Variants in SECISBP2L observed in about 807,000 individuals in gnomAD.
The protein encoded by SECISBP2L is selenocysteine insertion sequence-binding protein 2-like.
In SECISBP2L, 43 loss-of-function variants were observed where a neutral mutation model predicts 114.7. The observed-to-expected ratio is 0.38, with a 90% CI of 0.29 to 0.48. The LOEUF is 0.48. Among genes scored for constraint, SECISBP2L ranks in the 20% least tolerant of loss-of-function variants. SECISBP2L has a pLI of 0.98. For missense variants in SECISBP2L, 1,136 were observed against 1,301.1 expected (o/e 0.87, Z 1.95); for synonymous variants, 451 against 439.7 (o/e 1.03, Z -0.32).
At chr15:48,999,025 T>A (rs187885110) in intron 16 of SECISBP2L, among the ~76,000 whole-genome samples, 7 of 152,350 alleles carry the variant, frequency 4.6e-5, no homozygotes, top group Admixed American at 4.6e-4. Flanking sequence ...CAAGGCAGTG[T>A]GCTATGCTAA....
rs1178613731 is a variant in SECISBP2L at position 48,992,205 on chromosome 15, C to A, written c.*39G>T. On this transcript the variant is annotated 3_prime_UTR_variant, in exon 18 of 18. Coordinates refer to ENST00000559471, the MANE Select transcript of SECISBP2L (RefSeq NM_001193489.2). ...AAGCATAAAAGGTAATGGCTGCAAC[C>A]CTTCCACAGCTGGAGATAGAGAGCC... 3 of 1,549,128 alleles carry A rather than the reference C, an allele frequency of 1.9e-6. No homozygotes were observed. The highest frequency in any genetic ancestry group is 2.0e-5 in the Admixed American group (1 of 50,220).
At chr15:49,020,501 T>C (rs1413478659) in intron 7 of SECISBP2L, among the ~76,000 whole-genome samples, 2 of 152,088 alleles carry the variant, frequency 1.3e-5, no homozygotes, top group Admixed American at 1.3e-4. Flanking sequence ...ATGAGTCACA[T>C]GCCTGGCTTT....
chr15:49,024,150 T>C (rs541601084), intron 7 of SECISBP2L, among the ~76,000 whole-genome samples: 5 of 152,256 alleles, frequency 3.3e-5, no homozygotes, highest in African/African-American at 9.6e-5. Flanking sequence ...CAGCATGGTA[T>C]AGGTGCAAAA....
chr15:49,017,633 A>C lies in SECISBP2L; in HGVS notation c.1171-5T>G. Reference sequence around the variant, plus strand: ...TTCTTGAAACCCATCTTCATCCTGAAATGTTTCACATTTTAAGTAAAAAGA... The same window carrying C: ...TTCTTGAAACCCATCTTCATCCTGACATGTTTCACATTTTAAGTAAAAAGA... On this transcript the variant is annotated splice_polypyrimidine_tract_variant and splice_region_variant and intron_variant, in intron 8 of 17. Transcript: ENST00000559471. The C allele has an allele frequency of 6.2e-7, 1 of 1,600,870 alleles. No homozygotes were observed. Among genetic ancestry groups the C allele is most frequent in the Non-Finnish European group, 8.5e-7 (1 of 1,173,532 alleles).
At chr15:49,001,218 C>T in intron 14 of SECISBP2L, 121 bp from the exon 15 acceptor site, 1 of 657,146 alleles carries the variant, frequency 1.5e-6, no homozygotes, top group Non-Finnish European at 2.5e-6. Flanking sequence ...CATGAAAAGT[C>T]TCTTAAAGAA....
intron 14 of SECISBP2L, 61 bp from the exon 15 acceptor site, chr15:49,001,158 C>T: frequency 9.5e-7 from 1 of 1,057,188 alleles, no homozygotes. Flanking sequence ...AGTTATAAAA[C>T]TGCATTAAGA....
At chr15:48,999,750 T>G in intron 16 of SECISBP2L, 83 bp downstream of exon 16, 1 of 1,451,588 alleles carries the variant, frequency 6.9e-7, no homozygotes, top group Non-Finnish European at 9.4e-7. Flanking sequence ...TGCTTAAACA[T>G]AACACTGGCA....
Position 49,015,258 on chromosome 15 carries a change from C to T in SECISBP2L, c.1561+1302G>A, listed in dbSNP as rs78833400. 7.8e-3 allele frequency among the ~76,000 whole-genome samples: 1,185 copies of T among 152,258 alleles called. 24 individuals carry two copies. Among genetic ancestry groups the T allele is most frequent in the African/African-American group, 0.027 (1,132 of 41,538 alleles). On this transcript the variant is annotated intron_variant, in intron 11 of 17. Coordinates refer to ENST00000559471, the MANE Select transcript of SECISBP2L (RefSeq NM_001193489.2). ...CATACCGCCTCCAGAACACTGCTAA[C>T]TCTCAGTTTTATTCCCTATTTTTAC... is the stretch of plus-strand genomic sequence containing the variant.
At chr15:48,999,760 A>C in intron 16 of SECISBP2L, 73 bp downstream of exon 16, 2 of 1,529,414 alleles carry the variant, frequency 1.3e-6, no homozygotes, top group Middle Eastern at 3.5e-4. Context: ...TAACACTGGC[A>C]TATGTCAATC....
chr15:49,015,779 T>TA (rs1159428561), intron 11 of SECISBP2L, among the ~76,000 whole-genome samples: 1 of 152,226 alleles, frequency 6.6e-6, no homozygotes, highest in African/African-American at 2.4e-5. Flanking sequence ...TTAAACTGGA[T>TA]AATTTAAGAG....
intron 3 of SECISBP2L, among the ~76,000 whole-genome samples, chr15:49,034,192 A>G (rs1299046208): frequency 1.3e-5 from 2 of 152,160 alleles, no homozygotes; most frequent in Non-Finnish European, 2.9e-5. Context: ...TTCACTGAAG[A>G]AGTTGGGCTA....
At position 49,032,946 on chromosome 15, in the gene SECISBP2L, G is replaced by C. The variant is rs1361594732; in HGVS notation, c.664+19C>G. The C allele has an allele frequency of 6.2e-7, 1 of 1,611,818 alleles. No homozygotes were observed. The highest frequency in any genetic ancestry group is 8.5e-7 in the Non-Finnish European group (1 of 1,179,258). On this transcript the variant is annotated intron_variant, in intron 4 of 17. Transcript: ENST00000559471. ...ACAGATAAAAATCAGTGACGCACAT[G>C]TAAGAACCCTTGCCTTACCAGTTTG...
chr15:49,032,442 C>T (rs548264343), intron 4 of SECISBP2L, among the ~76,000 whole-genome samples: 1 of 152,224 alleles, frequency 6.6e-6, no homozygotes, highest in South Asian at 2.1e-4. Context: ...CTGTACAGTC[C>T]TCTAAAAATT....
Position 49,046,346 on chromosome 15 carries a change from C to T in SECISBP2L, c.-47G>A. The T allele has an allele frequency of 6.8e-7, 1 of 1,468,056 alleles. No individual in the cohort carries two copies. The highest frequency in any genetic ancestry group is 1.5e-5 in the African/African-American group (1 of 68,408). The allele number at this position is 1,468,056 out of a possible 1,614,324, so 90.9% of individuals were successfully genotyped here. On this transcript the variant is annotated 5_prime_UTR_variant, in exon 1 of 18. Coordinates refer to ENST00000559471, the MANE Select transcript of SECISBP2L (RefSeq NM_001193489.2). ...CCCGCGCTAGTCGGTGTAAACAGCG[C>T]CTCGGGCCGCTTTCTCCATGGCCCC...
intron 17 of SECISBP2L, among the ~76,000 whole-genome samples, chr15:48,994,304 G>C (rs1004386641): frequency 1.3e-5 from 2 of 152,034 alleles, no homozygotes; most frequent in Non-Finnish European, 2.9e-5. Context: ...TACTAAATCT[G>C]TTTACTACTC....
chr15:49,033,135 C>A lies in SECISBP2L; in HGVS notation c.529-35G>T, dbSNP rs1170765253. 10 of 1,592,508 alleles carry A rather than the reference C, an allele frequency of 6.3e-6. No individual in the cohort carries two copies. In the South Asian group the frequency reaches 1.0e-4, roughly 16 times the overall value. ...AAAAAAAACAAAAAAACAAAAAACA[C>A]ACAACTATTCAATGTACTGAACATT... is the stretch of plus-strand genomic sequence containing the variant. On this transcript the variant is annotated intron_variant, in intron 3 of 17. Transcript: ENST00000559471.
rs1566849055 is a variant in SECISBP2L at position 48,990,724 on chromosome 15, T to A, written c.*1520A>T. The stretch of plus-strand genomic sequence containing the variant: ...GCCCAATTCTTCTCTCCTGCCTCTG[T>A]GAGGCAAAGCCCTGCCCCAGATAAT... On this transcript the variant is annotated 3_prime_UTR_variant, in exon 18 of 18. Coordinates refer to ENST00000559471, the MANE Select transcript of SECISBP2L (RefSeq NM_001193489.2). The A allele has an allele frequency of 6.6e-6, 1 of 152,548 alleles. No individual in the cohort carries two copies. The highest frequency in any genetic ancestry group is 1.5e-5 in the Non-Finnish European group (1 of 68,014). 9.4% of individuals were successfully genotyped at this position (152,548 alleles called of 1,614,324 possible). A position where few individuals can be genotyped will look rare whatever the true frequency, so the allele number is the denominator to read the frequency against.
chr15:49,037,985 A>G (rs1461264615), intron 1 of SECISBP2L, among the ~76,000 whole-genome samples: 1 of 152,202 alleles, frequency 6.6e-6, no homozygotes, highest in Non-Finnish European at 1.5e-5. Context: ...AAAATAAACC[A>G]AATGTTACAT....
chr15:49,022,892 C>A (rs1021383010), intron 7 of SECISBP2L, among the ~76,000 whole-genome samples: 1 of 151,878 alleles, frequency 6.6e-6, no homozygotes, highest in Admixed American at 6.6e-5. Flanking sequence ...AAGAAAAACT[C>A]CAAATGGAAT....
Sources: allele counts gnomAD v4.1 joint callset (sites outside exome capture counted in the v4.1 genomes callset), GRCh38; gene constraint gnomAD v4.1.1; transcripts MANE v1.5; gene names NCBI Gene and HGNC (gene_info 2026-07-23, HGNC 2026-07-21).